The following CYFIP2 variants were observed in gnomAD, a reference collection of about 807,000 sequenced individuals.
CYFIP2 encodes cytoplasmic FMR1-interacting protein 2.
Under a neutral mutation model 158.7 loss-of-function variants are expected in CYFIP2, and 29 were observed. The observed-to-expected ratio is 0.18, with a 90% CI of 0.14 to 0.25. The LOEUF (loss-of-function observed/expected upper bound fraction) is 0.25. CYFIP2 is among the 10% of genes least tolerant of loss of function. The pLI, the probability that CYFIP2 is intolerant of heterozygous loss-of-function variation, is 1.00. For missense variants in CYFIP2, 852 were observed against 1,639.5 expected, an observed-to-expected ratio of 0.52 and a Z score of 8.29; for synonymous variants, 585 against 617.6, an observed-to-expected ratio of 0.95 and a Z score of 0.78.
At chr5:157,319,572 A>C (rs1760424389) in intron 13 of CYFIP2, among the ~76,000 whole-genome samples, 190 bp from the exon 14 acceptor site, 1 of 152,272 alleles carries the variant, frequency 6.6e-6, no homozygotes, top group Non-Finnish European at 1.5e-5. Flanking sequence ...TCAATGAATG[A>C]AGCCAAGTGC....
intron 1 of CYFIP2, among the ~76,000 whole-genome samples, chr5:157,281,218 A>C (rs566828430): frequency 2.6e-4 from 39 of 152,210 alleles, no homozygotes; most frequent in African/African-American, 7.9e-4. Flanking sequence ...TTTGTTTTGG[A>C]TCCAGCATTC....
chr5:157,390,464 C>CAACCA, intron 29 of CYFIP2, 57 bp from the exon 30 acceptor site: 7 of 1,308,114 alleles, frequency 5.4e-6, no homozygotes, highest in Admixed American at 2.2e-5. Flanking sequence ...GGCTCCCTCC[C>CAACCA]TCCCTGCCCT....
intron 21 of CYFIP2, 101 bp downstream of exon 21, chr5:157,333,547 G>A (rs1761637731): frequency 4.0e-6 from 6 of 1,491,790 alleles, no homozygotes; most frequent in African/African-American, 1.4e-5. Flanking sequence ...AGTTAAAGAG[G>A]GGCAGTGAGT....
intron 23 of CYFIP2, among the ~76,000 whole-genome samples, chr5:157,352,602 C>T (rs935924862): frequency 1.3e-5 from 2 of 152,184 alleles, no homozygotes; most frequent in African/African-American, 4.8e-5. Context: ...TTGTATCTCA[C>T]CCCAGACAAG....
Position 157,395,515 on chromosome 5 carries a change from A to T in CYFIP2, c.*2515A>T. 2.8e-6 allele frequency: 2 copies of T among 707,264 alleles called. No individual in the cohort carries two copies. Among genetic ancestry groups the T allele is most frequent in the Non-Finnish European group, 2.2e-6 (1 of 464,036 alleles). 43.8% of individuals were successfully genotyped at this position (707,264 alleles called of 1,614,324 possible). ...CTATGCAGCTGAAGATGATATTTTG[A>T]TTTGTATTTTGGGGGTACCTGTGTT... On this transcript the variant is annotated 3_prime_UTR_variant, in exon 31 of 31. Transcript: ENST00000620254.
chr5:157,302,621 A>G (rs1275839165), intron 6 of CYFIP2, among the ~76,000 whole-genome samples, 173 bp from the exon 7 acceptor site: 1 of 152,124 alleles, frequency 6.6e-6, no homozygotes, highest in Non-Finnish European at 1.5e-5. Flanking sequence ...CCCAAAGCAA[A>G]TGACTTCAGA....
At chr5:157,313,931 G>A (rs1759934837) in intron 11 of CYFIP2, among the ~76,000 whole-genome samples, 1 of 152,068 alleles carries the variant, frequency 6.6e-6, no homozygotes, top group African/African-American at 2.4e-5. Flanking sequence ...AGATTGCTTT[G>A]TAAAAAATAT....
intron 26 of CYFIP2, among the ~76,000 whole-genome samples, chr5:157,374,782 A>G (rs1357164786): frequency 6.6e-6 from 1 of 152,214 alleles, no homozygotes; most frequent in Non-Finnish European, 1.5e-5. Flanking sequence ...CTCTATTCCA[A>G]TTAAATTGCG....
rs73302198 is a variant in CYFIP2, at chr5:157,307,932, A to G, written c.900+67A>G. The G allele has an allele frequency of 5.0e-3, 4,485 of 888,688 alleles. 146 individuals carry two copies. The African/African-American group carries it at 0.068, about 13-fold the overall frequency. The allele number at this position is 888,688 out of a possible 1,614,324, so 55.1% of individuals were successfully genotyped here. A position where few individuals can be genotyped will look rare whatever the true frequency, so the allele number is the denominator to read the frequency against. ...CCAGCGCCAAGATGTCTTTGGGGGA[A>G]AGGGATGAAATGAGCCAGAAAACTG... On this transcript the variant is annotated intron_variant, in intron 9 of 30. Coordinates refer to ENST00000620254, the MANE Select transcript of CYFIP2 (RefSeq NM_001037333.3).
rs1229887836 is a variant in CYFIP2 at position 157,320,674 on chromosome 5, A to C, written c.1543A>C (p.Lys515Gln). ...CCCCAGCGTCCTACAGGCAATTCGA[A>C]AGACCATCTGTGACTGGGAGGGAGG... Reference protein sequence around the residue: ...VLISVLQAIRKTICDWEGGRE... With the variant: ...VLISVLQAIRQTICDWEGGRE... The change falls in exon 15 of 31, where the codon AAG (lysine) becomes CAG (glutamine). Residue 515 changes from lysine to glutamine, a missense_variant. Lys to Gln is a moderately conservative substitution (Grantham distance 53, BLOSUM62 1). Transcript: ENST00000620254. 2 of 1,613,886 alleles carry C rather than the reference A, an allele frequency of 1.2e-6. No homozygotes were observed. Among genetic ancestry groups the C allele is most frequent in the Non-Finnish European group, 1.7e-6 (2 of 1,179,894 alleles).
chr5:157,390,461 T>TACCAA, intron 29 of CYFIP2, 60 bp from the exon 30 acceptor site: 5 of 591,244 alleles, frequency 8.5e-6, no homozygotes, highest in Non-Finnish European at 5.8e-6. Flanking sequence ...TGAGGCTCCC[T>TACCAA]CCCTCCCTGC....
At chr5:157,315,225 A>C in intron 13 of CYFIP2, 131 bp downstream of exon 13, 36 of 1,237,622 alleles carry the variant, frequency 2.9e-5, no homozygotes, top group Non-Finnish European at 3.7e-5. Context: ...TACCATCTAA[A>C]TTAATCCGTC....
At chr5:157,329,527 A>C (rs896397057) in intron 19 of CYFIP2, among the ~76,000 whole-genome samples, 8 of 152,258 alleles carry the variant, frequency 5.3e-5, no homozygotes, top group Admixed American at 3.3e-4. Flanking sequence ...TTCATTCAAA[A>C]TGCCATGTGG....
chr5:157,330,924 G>A (rs1405219920), intron 20 of CYFIP2, 74 bp downstream of exon 20: 2 of 1,191,908 alleles, frequency 1.7e-6, no homozygotes, highest in South Asian at 2.5e-5. Context: ...ATAGAGATCA[G>A]AAATCAGGCC....
intron 15 of CYFIP2, 36 bp from the exon 16 acceptor site, chr5:157,323,885 A>C: frequency 6.7e-7 from 1 of 1,498,860 alleles, no homozygotes; most frequent in Non-Finnish European, 8.9e-7. Context: ...GTAGAGGGCC[A>C]GCTTCTGACC....
At chr5:157,282,298 C>T (rs1757048501) in intron 1 of CYFIP2, among the ~76,000 whole-genome samples, 1 of 152,122 alleles carries the variant, frequency 6.6e-6, no homozygotes, top group African/African-American at 2.4e-5. Context: ...AGAGAGTGGG[C>T]AGTGTGGGGG....
At chr5:157,384,275 ACAAAAGGCATGTGCTAT>A in intron 28 of CYFIP2, 1 of 456,804 alleles carries the variant, frequency 2.2e-6, no homozygotes, top group South Asian at 1.5e-5. Context: ...GAGCGGAGAA[ACAAAAGGCATGTGCTAT>A]CTCCTTTCAA....
At chr5:157,276,979 T>G (rs1212270892) in intron 1 of CYFIP2, 2 of 152,098 alleles carry the variant, frequency 1.3e-5, no homozygotes, top group Non-Finnish European at 2.9e-5. Flanking sequence ...TGGCAGTTTA[T>G]GGATATGACT....
In CYFIP2 at chr5:157,266,460, G is replaced by A. The variant is rs2113792076; in HGVS notation, c.-24+265G>A. The A allele has an allele frequency of 6.6e-6, 1 of 152,270 alleles. No individual in the cohort carries two copies. The highest frequency in any genetic ancestry group is 2.1e-4 in the South Asian group (1 of 4,830). 9.4% of individuals were successfully genotyped at this position (152,270 alleles called of 1,614,324 possible). A position where few individuals can be genotyped will look rare whatever the true frequency, so the allele number is the denominator to read the frequency against. Reference sequence around the variant, plus strand: ...GGAGCTCCGGCGCGGCGGCGGGGGAGCCGCAGCAGCAGGTGCGCGGCCTGG... The same window carrying A: ...GGAGCTCCGGCGCGGCGGCGGGGGAACCGCAGCAGCAGGTGCGCGGCCTGG... On this transcript the variant is annotated intron_variant, in intron 1 of 30. Coordinates refer to ENST00000620254, the MANE Select transcript of CYFIP2 (RefSeq NM_001037333.3). This position sits in a 1 kb window ranked among gnomAD's most constrained non-coding sequence, Gnocchi z 4.2.
Sources: gnomAD v4.1 joint callset for allele counts (sites outside exome capture counted in the v4.1 genomes callset) on GRCh38, gnomAD v4.1.1 for gene constraint, Gnocchi (gnomAD v3.1) non-coding constraint, MANE v1.5 for transcripts, NCBI Gene and HGNC (gene_info 2026-07-23, HGNC 2026-07-21) for gene names.